Variants in PDE10A observed in about 807,000 individuals in gnomAD.
The protein encoded by PDE10A is phosphodiesterase 10A, also known as cAMP and cAMP-inhibited cGMP 3',5'-cyclic phosphodiesterase 10A.
A neutral mutation model predicts 97.7 loss-of-function variants in PDE10A; 39 were observed. The observed-to-expected ratio is 0.40, with a 90% CI of 0.31 to 0.52. PDE10A has a LOEUF of 0.52. Among genes scored for constraint, PDE10A ranks in the 20% least tolerant of loss-of-function variants. The probability of loss-of-function intolerance (pLI) is 0.56; values close to 1 mark genes in which losing one functional copy is unlikely to be tolerated. For missense variants in PDE10A, 731 were observed against 1,047.8 expected, an observed-to-expected ratio of 0.70 and a Z score of 4.17; for synonymous variants, 371 against 376.8, an observed-to-expected ratio of 0.98 and a Z score of 0.18.
intron 2 of PDE10A, among the ~76,000 whole-genome samples, chr6:165,509,374 C>T (rs1169533094): frequency 1.3e-5 from 2 of 151,866 alleles, no homozygotes; most frequent in East Asian, 1.9e-4. Context: ...GAACCTGTGT[C>T]GAAAATCAGT....
chr6:165,966,018 C>T (rs977054268), intron 1 of PDE10A, among the ~76,000 whole-genome samples: 1 of 152,214 alleles, frequency 6.6e-6, no homozygotes, highest in African/African-American at 2.4e-5. Context: ...TCACCGTCAT[C>T]GGAAAACATC....
At chr6:165,717,458 C>A (rs1315818422) in intron 1 of PDE10A, among the ~76,000 whole-genome samples, 1 of 152,110 alleles carries the variant, frequency 6.6e-6, no homozygotes, top group African/African-American at 2.4e-5. Flanking sequence ...GTGGCTTGTG[C>A]CTGTAATCCA....
intron 1 of PDE10A, among the ~76,000 whole-genome samples, chr6:165,889,091 A>G (rs1781708744): frequency 2.6e-5 from 4 of 152,244 alleles, no homozygotes; most frequent in Non-Finnish European, 5.9e-5. Context: ...CTTAAAAACT[A>G]AGAAGTAACA....
At chr6:165,815,130 T>C (rs1779375514) in intron 1 of PDE10A, among the ~76,000 whole-genome samples, 1 of 152,198 alleles carries the variant, frequency 6.6e-6, no homozygotes, top group African/African-American at 2.4e-5. Flanking sequence ...GAGGCTCTCT[T>C]TCGTCATCAT....
At chr6:165,926,233 G>A (rs149383637) in intron 1 of PDE10A, among the ~76,000 whole-genome samples, 233 of 152,248 alleles carry the variant, frequency 1.5e-3, no homozygotes, top group Admixed American at 1.9e-3. Context: ...CCAAGCCAAG[G>A]CAGGACCTGA....
chr6:165,437,381 T>C (rs1790104823), intron 5 of PDE10A, among the ~76,000 whole-genome samples: 1 of 152,192 alleles, frequency 6.6e-6, no homozygotes, highest in South Asian at 2.1e-4. Flanking sequence ...TATTATAAAA[T>C]ATGTATTGCT....
chr6:165,776,866 A>C (rs1778200082), intron 1 of PDE10A, among the ~76,000 whole-genome samples: 1 of 152,226 alleles, frequency 6.6e-6, no homozygotes, highest in Non-Finnish European at 1.5e-5. Context: ...CCGTTGCCTG[A>C]GTGAGACCAC....
At chr6:165,536,251 G>A (rs981767596) in intron 2 of PDE10A, among the ~76,000 whole-genome samples, 4 of 151,868 alleles carry the variant, frequency 2.6e-5, no homozygotes, top group African/African-American at 9.7e-5. Context: ...GGGAAAACTG[G>A]ATATTCATAT....
At chr6:165,398,404 C>T (rs570188165) in intron 13 of PDE10A, among the ~76,000 whole-genome samples, 4 of 151,354 alleles carry the variant, frequency 2.6e-5, no homozygotes, top group African/African-American at 9.7e-5. Flanking sequence ...TCATTTGAAC[C>T]AGGGAGGCAA....
intron 1 of PDE10A, among the ~76,000 whole-genome samples, chr6:165,728,220 C>T (rs993029818): frequency 5.3e-5 from 8 of 152,168 alleles, no homozygotes; most frequent in African/African-American, 1.9e-4. Flanking sequence ...AGTCATGCTG[C>T]CCTTGGGTAA....
At chr6:165,690,910 C>T (rs1485443770) in intron 1 of PDE10A, among the ~76,000 whole-genome samples, 1 of 152,066 alleles carries the variant, frequency 6.6e-6, no homozygotes, top group Non-Finnish European at 1.5e-5. Flanking sequence ...TGGTTGGCAT[C>T]CCTGGTGGGG....
chr6:165,765,480 C>T (rs991556744), intron 1 of PDE10A, among the ~76,000 whole-genome samples: 1 of 152,270 alleles, frequency 6.6e-6, no homozygotes, highest in Non-Finnish European at 1.5e-5. Context: ...CGCCGGTGGG[C>T]TGGCACTGCT....
chr6:165,801,590 C>T lies in PDE10A; in HGVS notation c.-615+185939G>A, dbSNP rs185421122. 2.9e-4 allele frequency among the ~76,000 whole-genome samples: 44 copies of T among 152,266 alleles called. No homozygotes were observed. The East Asian group carries it at 7.7e-3, about 27-fold the overall frequency. On this transcript the variant is annotated intron_variant, in intron 1 of 19. Transcript: ENST00000366882. ...AGATCAACATTTTATCTTGCCATAA[C>T]GGACTTGCTGAATTATTAGGACATG...
At chr6:165,448,709 A>AACACACACACACACACAC (rs10645551) in intron 5 of PDE10A, among the ~76,000 whole-genome samples, 1 of 147,398 alleles carries the variant, frequency 6.8e-6, no homozygotes, top group African/African-American at 2.5e-5. Context: ...AGCCAAAGGA[A>AACACACACACACACACAC]ACACACACAC....
intron 1 of PDE10A, among the ~76,000 whole-genome samples, chr6:165,551,983 C>T (rs560776354): frequency 3.3e-5 from 5 of 152,190 alleles, no homozygotes; most frequent in African/African-American, 9.6e-5. Context: ...CTTTCCTCAC[C>T]TCATCCATGG....
rs1468161595 is a variant in PDE10A, at chr6:165,407,181, T to C, written c.2076+6320A>G. Among the ~76,000 whole-genome samples, 5 of 152,144 alleles carry C rather than the reference T, an allele frequency of 3.3e-5. No individual in the cohort carries two copies. In the South Asian group the frequency reaches 1.0e-3, roughly 31 times the overall value. ...GAGAACCCTAATGCACCCTAATCCATATTTTATATATAAAATGTAAAAACA... is the reference window on the plus strand; with the variant it reads ...GAGAACCCTAATGCACCCTAATCCACATTTTATATATAAAATGTAAAAACA... On this transcript the variant is annotated intron_variant, in intron 13 of 21. Transcript: ENST00000539869.
At chr6:165,383,435 C>A (rs1255231678) in intron 17 of PDE10A, among the ~76,000 whole-genome samples, 1 of 152,136 alleles carries the variant, frequency 6.6e-6, no homozygotes, top group Non-Finnish European at 1.5e-5. Flanking sequence ...ATGTGACTGT[C>A]CACACAAAAC....
At position 165,395,199 on chromosome 6, in the gene PDE10A, C is replaced by A. The variant is rs79937339; in HGVS notation, c.2285G>T (p.Arg762Leu). The change falls in exon 15 of 22, where the codon CGG becomes CTG. Residue 762 changes from arginine (R) to leucine (L), a missense_variant. Arg to Leu is a moderately radical substitution (Grantham distance 102, BLOSUM62 -2). This residue lies in a region of PDE10A where 131 missense variants were observed against 187.4 expected (regional missense o/e 0.70). Coordinates refer to ENST00000539869, the MANE Select transcript of PDE10A (RefSeq NM_001385079.1). ...WPGIFVYMVH[R>L]SCGTSCFELE... ...TTCATACCAGGATGTCCCACAGGAC[C>A]GATGAACCATGTAGACAAAAATTCC... is the stretch of plus-strand genomic sequence containing the variant. 1 of 1,612,032 alleles carries A rather than the reference C, an allele frequency of 6.2e-7. No individual in the cohort carries two copies. Among genetic ancestry groups the A allele is most frequent in the Non-Finnish European group, 8.5e-7 (1 of 1,178,414 alleles).
At chr6:165,981,351 T>A (rs1486221308) in intron 1 of PDE10A, among the ~76,000 whole-genome samples, 2 of 152,212 alleles carry the variant, frequency 1.3e-5, no homozygotes, top group African/African-American at 4.8e-5. Flanking sequence ...CAGTTATCAT[T>A]TAGATTGAAG....
Sources: gnomAD v4.1 joint callset for allele counts (sites outside exome capture counted in the v4.1 genomes callset) on GRCh38, gnomAD v4.1.1 for gene constraint, gnomAD v4.1.1 regional missense constraint, MANE v1.5 for transcripts, NCBI Gene and HGNC (gene_info 2026-07-23, HGNC 2026-07-21) for gene names.